Variants in POLG2 observed in about 807,000 individuals in gnomAD.
The protein encoded by POLG2 is DNA polymerase subunit gamma-2.
Under a neutral mutation model 56.5 loss-of-function variants are expected in POLG2, and 50 were observed. The observed-to-expected ratio is 0.88, with a 90% CI of 0.71 to 1.12. The LOEUF (loss-of-function observed/expected upper bound fraction) is 1.12, where lower values mean the gene tolerates loss of function less well. POLG2 is among the 50% of genes most tolerant of loss of function. The pLI, the probability that POLG2 is intolerant of heterozygous loss-of-function variation, is 0.00. For synonymous variants in POLG2, 226 were observed against 222.6 expected (o/e 1.02, Z -0.14); for missense variants, 584 against 583.3 (o/e 1.00, Z -0.01).
At chr17:64,488,924 A>G (rs1455736739) in intron 4 of POLG2, among the ~76,000 whole-genome samples, 4 of 152,114 alleles carry the variant, frequency 2.6e-5, no homozygotes, top group African/African-American at 9.7e-5. Context: ...CAGCCTGGGC[A>G]ACAGAGTGAG....
At chr17:64,483,638 C>T (rs953516226) in intron 5 of POLG2, among the ~76,000 whole-genome samples, 1 of 151,876 alleles carries the variant, frequency 6.6e-6, no homozygotes, top group Non-Finnish European at 1.5e-5. Context: ...ACCATTTCAA[C>T]TTTCTCTCTC....
intron 1 of POLG2, among the ~76,000 whole-genome samples, chr17:64,493,300 T>C (rs1250255974): frequency 6.6e-6 from 1 of 152,010 alleles, no homozygotes; most frequent in Non-Finnish European, 1.5e-5. Context: ...TGCCTTGTAG[T>C]CCCAGCTACT....
intron 4 of POLG2, among the ~76,000 whole-genome samples, chr17:64,489,616 C>T (rs2313445): frequency 5.9e-5 from 9 of 152,184 alleles, no homozygotes; most frequent in Non-Finnish European, 1.2e-4. Flanking sequence ...AACCATCAGT[C>T]GGGCATGGTG....
In POLG2 at chr17:64,492,905, C is replaced by A; in HGVS notation, c.679G>T (p.Gly227Cys). The A allele has an allele frequency of 6.2e-7, 1 of 1,614,060 alleles. No homozygotes were observed. The change falls in exon 2 of 8, where the codon GGT (glycine) becomes TGT (cysteine). Residue 227 changes from glycine (G) to cysteine (C), a missense_variant. Physicochemically the swap from Gly to Cys is radical, Grantham distance 159. Transcript: ENST00000539111. ...PVFDTKQIRN[G>C]VKSIGEKTEA... ...TGCCACTTTTTATACCTTTTAACAC[C>A]ATTTCGTATCTGCTTAGTGTCAAAA...
rs782627230 is a variant in POLG2 at position 64,492,752 on chromosome 17, G to C, written c.710C>G (p.Ala237Gly). Residue 237 changes from alanine (A) to glycine (G), a missense_variant, in exon 3 of 8, where the codon GCT (alanine) becomes GGT (glycine). Coordinates refer to ENST00000539111, the MANE Select transcript of POLG2 (RefSeq NM_007215.4). The stretch of plus-strand genomic sequence containing the variant: ...CGGAGGAGTAAACCATACTAACGAA[G>C]CTTCAGTCTTCTCACCAATACTTTA... Reference protein sequence around the residue: ...GVKSIGEKTEASLVWFTPPRT... With the variant: ...GVKSIGEKTEGSLVWFTPPRT... 25 of 1,612,272 alleles carry C rather than the reference G, an allele frequency of 1.6e-5. No individual in the cohort carries two copies. The highest frequency in any genetic ancestry group is 2.1e-5 in the Non-Finnish European group (25 of 1,178,676).
At position 64,477,942 on chromosome 17, in the gene POLG2, T is replaced by C. The variant is rs782496125; in HGVS notation, c.1339A>G (p.Thr447Ala). The change falls in exon 8 of 8, where the codon ACT becomes GCT. Residue 447 changes from threonine to alanine, a missense_variant. Physicochemically the swap from Thr to Ala is moderately conservative, Grantham distance 58. Coordinates refer to ENST00000539111, the MANE Select transcript of POLG2 (RefSeq NM_007215.4). ...AGATGTATTAATCCATTCTCCAAAG[T>C]AGTTTCAGTAACCAAAACTGTGAAG... The part of the protein sequence containing the change: ...ILFTVLVTET[T>A]LENGLIHLRS... The C allele has an allele frequency of 5.0e-6, 8 of 1,614,046 alleles. No homozygotes were observed. In the East Asian group the frequency reaches 1.8e-4, roughly 36 times the overall value.
At position 64,496,608 on chromosome 17, in the gene POLG2, A is replaced by C. The variant is rs376142071; in HGVS notation, c.361T>G (p.Phe121Val). ...AAEWWTSVVV[F>V]REQVFPVDAL... ...TCCACCGGGAATACCTGCTCCCTGAACACCACCACCGAGGTCCACCATTCT... is the reference window on the plus strand; with the variant it reads ...TCCACCGGGAATACCTGCTCCCTGACCACCACCACCGAGGTCCACCATTCT... Residue 121 changes from phenylalanine to valine, a missense_variant, in exon 1 of 8, where the codon TTC becomes GTC. Transcript: ENST00000539111. The C allele has an allele frequency of 1.4e-4, 224 of 1,613,486 alleles. 1 individual carries two copies. The highest frequency in any genetic ancestry group is 1.2e-3 in the South Asian group (106 of 91,026).
chr17:64,485,519 G>T (rs1346252924), intron 5 of POLG2: 2 of 579,114 alleles, frequency 3.5e-6, no homozygotes, highest in Admixed American at 6.0e-5. Context: ...ATGCCTTTGG[G>T]ATTACTTATT....
At position 64,477,905 on chromosome 17, in the gene POLG2, T is replaced by A. The variant is rs1231669188; in HGVS notation, c.1376A>T (p.Asp459Val). Residue 459 changes from aspartate (D) to valine (V), a missense_variant, in exon 8 of 8, where the codon GAC becomes GTC. Physicochemically the swap from Asp to Val is radical, Grantham distance 152 (BLOSUM62 -3). Coordinates refer to ENST00000539111, the MANE Select transcript of POLG2 (RefSeq NM_007215.4). ...ATGCATCATTTCCTTCATTGTGGTG[T>A]CTCTGCTTCTCAGATGTATTAATCC... ...ENGLIHLRSRDTTMKEMMHIS... is the reference protein window; with the variant it reads ...ENGLIHLRSRVTTMKEMMHIS... The A allele has an allele frequency of 6.2e-7, 1 of 1,613,828 alleles. No homozygotes were observed. Among genetic ancestry groups the A allele is most frequent in the Non-Finnish European group, 8.5e-7 (1 of 1,179,936 alleles).
chr17:64,496,455 C>G lies in POLG2; in HGVS notation c.514G>C (p.Glu172Gln). The change falls in exon 1 of 8, where the codon GAG becomes CAG. Residue 172 changes from glutamate to glutamine, a missense_variant. Glu to Gln is a conservative substitution (Grantham distance 29). Coordinates refer to ENST00000539111, the MANE Select transcript of POLG2 (RefSeq NM_007215.4). The stretch of plus-strand genomic sequence containing the variant: ...TTCCCAGAAGTTTTTAATACGTTCT[C>G]AAGAAATGCTACTAGCTGTTCCTTA... Reference protein sequence around the residue: ...LSKEQLVAFLENVLKTSGKLR... With the variant: ...LSKEQLVAFLQNVLKTSGKLR... 2 of 1,596,618 alleles carry G rather than the reference C, an allele frequency of 1.3e-6. No individual in the cohort carries two copies. Among genetic ancestry groups the G allele is most frequent in the Non-Finnish European group, 1.7e-6 (2 of 1,166,126 alleles).
chr17:64,478,196 T>C (rs1247123108), intron 7 of POLG2, among the ~76,000 whole-genome samples: 1 of 152,176 alleles, frequency 6.6e-6, no homozygotes, highest in Non-Finnish European at 1.5e-5. Context: ...TTGCTAGAGC[T>C]GAAAAGTCAT....
chr17:64,496,387 C>T lies in POLG2; in HGVS notation c.562+20G>A. On this transcript the variant is annotated intron_variant, in intron 1 of 7. Coordinates refer to ENST00000539111, the MANE Select transcript of POLG2 (RefSeq NM_007215.4). ...TTTCCACCCGACACCTGTTTTGAAG[C>T]ATGAAATCGTGAAGCATACCGTGAA... 1 of 1,517,232 alleles carries T rather than the reference C, an allele frequency of 6.6e-7. No individual in the cohort carries two copies. The highest frequency in any genetic ancestry group is 9.0e-7 in the Non-Finnish European group (1 of 1,112,724). The allele number at this position is 1,517,232 out of a possible 1,614,324, so 94.0% of individuals were successfully genotyped here.
rs782592482 is a variant in POLG2 at position 64,496,485 on chromosome 17, G to A, written c.484C>T (p.Leu162=). 6.2e-7 allele frequency: 1 copy of A among 1,612,100 alleles called. No individual in the cohort carries two copies. Among genetic ancestry groups the A allele is most frequent in the Admixed American group, 1.7e-5 (1 of 59,990 alleles). ...TLREILQDKE[L]SKEQLVAFLE... Reference sequence around the variant, plus strand: ...AATGCTACTAGCTGTTCCTTACTCAGCTCTTTGTCTTGCAAGATTTCGCGT... The same window carrying A: ...AATGCTACTAGCTGTTCCTTACTCAACTCTTTGTCTTGCAAGATTTCGCGT... Residue 162 remains leucine (L), a synonymous_variant, in exon 1 of 8, where the codon CTG becomes TTG. Transcript: ENST00000539111.
intron 4 of POLG2, among the ~76,000 whole-genome samples, chr17:64,487,771 G>A (rs1422827048): frequency 1.3e-5 from 2 of 152,212 alleles, no homozygotes; most frequent in African/African-American, 4.8e-5. Flanking sequence ...GGAGGCCAGG[G>A]CAGGAGGATC....
At chr17:64,490,147 T>A (rs576300049) in intron 4 of POLG2, among the ~76,000 whole-genome samples, 83 of 152,228 alleles carry the variant, frequency 5.5e-4, no homozygotes, top group Middle Eastern at 6.8e-3. Flanking sequence ...ATGGTCTCAA[T>A]CTCTTGACCT....
intron 1 of POLG2, among the ~76,000 whole-genome samples, chr17:64,495,122 G>A (rs1003971148): frequency 1.4e-5 from 2 of 145,338 alleles, no homozygotes; most frequent in Non-Finnish European, 3.0e-5. Flanking sequence ...AGCTTGCAGT[G>A]AGCCGAGATT....
In POLG2 at chr17:64,497,015, C is replaced by G; in HGVS notation, c.-47G>C. Reference sequence around the variant, plus strand: ...ACACTCTCCCATCACTCAACGGATCCCAACAAGCCACCACTACCGTTAACA... The same window carrying G: ...ACACTCTCCCATCACTCAACGGATCGCAACAAGCCACCACTACCGTTAACA... On this transcript the variant is annotated 5_prime_UTR_variant, in exon 1 of 8. Transcript: ENST00000539111. The G allele has an allele frequency of 1.3e-6, 2 of 1,543,834 alleles. No individual in the cohort carries two copies. The highest frequency in any genetic ancestry group is 1.8e-6 in the Non-Finnish European group (2 of 1,129,420).
chr17:64,496,279 A>G (rs2038149087), intron 1 of POLG2, 128 bp downstream of exon 1: 1 of 669,366 alleles, frequency 1.5e-6, no homozygotes, highest in Non-Finnish European at 2.7e-6. Context: ...CGACTACTTC[A>G]AAAAGATGAG....
Position 64,496,420 on chromosome 17 carries a change from C to T in POLG2, c.549G>A (p.Glu183=), listed in dbSNP as rs1555669510. The T allele has an allele frequency of 1.3e-6, 2 of 1,579,048 alleles. No individual in the cohort carries two copies. Among genetic ancestry groups the T allele is most frequent in the East Asian group, 4.5e-5 (2 of 44,194 alleles). Residue 183 remains glutamate, a synonymous_variant, in exon 1 of 8, where the codon GAG becomes GAA. Coordinates refer to ENST00000539111, the MANE Select transcript of POLG2 (RefSeq NM_007215.4). The stretch of plus-strand genomic sequence containing the variant: ...CGTGAAGCATACCGTGAAGAAGGTT[C>T]TCCCGTAGTTTCCCAGAAGTTTTTA... ...NVLKTSGKLR[E]NLLHGALEHY...
Sources: allele counts gnomAD v4.1 joint callset (sites outside exome capture counted in the v4.1 genomes callset), GRCh38; gene constraint gnomAD v4.1.1; transcripts MANE v1.5; gene names NCBI Gene and HGNC (gene_info 2026-07-23, HGNC 2026-07-21).